NXPH2: variants seen among roughly 807,000 people sequenced by gnomAD.
NXPH2 encodes the protein neurexophilin-2.
In NXPH2, 5 loss-of-function variants were observed where a neutral mutation model predicts 19.8. That is an observed-to-expected ratio of 0.25 (90% CI 0.13 to 0.53). The LOEUF is 0.53. Among genes scored for constraint, NXPH2 ranks in the 20% least tolerant of loss-of-function variants. NXPH2 has a pLI of 0.96. For missense variants in NXPH2, 289 were observed against 322.8 expected (o/e 0.90, Z 0.80); for synonymous variants, 154 against 127.4 (o/e 1.21, Z -1.41).
At chr2:138,721,227 G>C (rs914237717) in intron 1 of NXPH2, among the ~76,000 whole-genome samples, 2 of 152,120 alleles carry the variant, frequency 1.3e-5, no homozygotes, top group African/African-American at 2.4e-5. Context: ...TGTAATCCTA[G>C]CTACTTAGGA....
At chr2:138,761,310 T>C (rs1370087329) in intron 1 of NXPH2, among the ~76,000 whole-genome samples, 1 of 152,152 alleles carries the variant, frequency 6.6e-6, no homozygotes, top group Non-Finnish European at 1.5e-5. Flanking sequence ...TCATCTGATC[T>C]CATGAATCAC....
chr2:138,779,353 C>T (rs1682313281), intron 1 of NXPH2, among the ~76,000 whole-genome samples: 1 of 152,212 alleles, frequency 6.6e-6, no homozygotes, highest in Admixed American at 6.5e-5. Context: ...TTTCCCTCAA[C>T]TATAATTAGC....
chr2:138,722,445 C>T (rs781668224), intron 1 of NXPH2, among the ~76,000 whole-genome samples: 1 of 152,226 alleles, frequency 6.6e-6, no homozygotes, highest in Non-Finnish European at 1.5e-5. Flanking sequence ...AGCGTGAAGA[C>T]TCACCCAGTA....
chr2:138,729,240 T>G (rs890985773), intron 1 of NXPH2, among the ~76,000 whole-genome samples: 5 of 152,170 alleles, frequency 3.3e-5, no homozygotes, highest in Non-Finnish European at 5.9e-5. Context: ...AGGAGGTAAT[T>G]GAATCATGGG....
At position 138,780,327 on chromosome 2, in the gene NXPH2, G is replaced by T. The variant is rs191458911; in HGVS notation, c.-86C>A. ...CACTTCGCGGGGCAGGACTGAGGAC[G>T]CCAGGGACACAGCGCGGCGCTTCCC... On this transcript the variant is annotated 5_prime_UTR_variant, in exon 1 of 2. Transcript: ENST00000272641. 3 of 1,009,104 alleles carry T rather than the reference G, an allele frequency of 3.0e-6. No individual in the cohort carries two copies. The highest frequency in any genetic ancestry group is 3.8e-6 in the Non-Finnish European group (3 of 783,696). The allele number at this position is 1,009,104 out of a possible 1,614,324, so 62.5% of individuals were successfully genotyped here.
chr2:138,753,407 T>A lies in NXPH2; in HGVS notation c.51+26784A>T, dbSNP rs548871730. ...CAAGACACTCTAGGACCATGTTGTA[T>A]ATTTCCTGCCCAGGTTCTAGAATCA... On this transcript the variant is annotated intron_variant, in intron 1 of 1. Transcript: ENST00000272641. Among the ~76,000 whole-genome samples the A allele has an allele frequency of 8.1e-4, 124 of 152,236 alleles. 6 individuals are homozygous for A. The South Asian group carries it at 0.024, about 29-fold the overall frequency.
At chr2:138,771,392 T>C (rs1682173955) in intron 1 of NXPH2, among the ~76,000 whole-genome samples, 1 of 151,980 alleles carries the variant, frequency 6.6e-6, no homozygotes, top group Admixed American at 6.6e-5. Context: ...GTTAAACTAT[T>C]AATAATGCCC....
chr2:138,673,871 G>C (rs1680448747), intron 1 of NXPH2, among the ~76,000 whole-genome samples: 1 of 151,664 alleles, frequency 6.6e-6, no homozygotes, highest in Admixed American at 6.6e-5. Context: ...CCCAACCTTT[G>C]GTACTATCAA....
At chr2:138,704,722 AT>A (rs1413829254) in intron 1 of NXPH2, among the ~76,000 whole-genome samples, 5 of 151,982 alleles carry the variant, frequency 3.3e-5, no homozygotes, top group Non-Finnish European at 7.4e-5. Flanking sequence ...TGGCACAATC[AT>A]GTCTTAATTG....
rs775971248 is a variant in NXPH2 at position 138,716,315 on chromosome 2, A to G, written c.52-44650T>C. Among the ~76,000 whole-genome samples the G allele has an allele frequency of 9.1e-4, 138 of 152,320 alleles. 1 individual carries two copies. The Middle Eastern group carries it at 0.01, about 11-fold the overall frequency. ...GAGACCGGGCCTCGGGGAGGAAACT[A>G]GGTTTAGATGGGAGCATGAAGGTGG... On this transcript the variant is annotated intron_variant, in intron 1 of 1. Coordinates refer to ENST00000272641, the MANE Select transcript of NXPH2 (RefSeq NM_007226.3).
rs61124904 is a variant in NXPH2 at position 138,675,955 on chromosome 2, A to ATG, written c.52-4292_52-4291dup. On this transcript the variant is annotated intron_variant, in intron 1 of 1. Coordinates refer to ENST00000272641, the MANE Select transcript of NXPH2 (RefSeq NM_007226.3). ...AGGTAAAAAGTACATATATATACAT[A>ATG]TGTGTGTGTGTGTGTGTGTGTGTGT... Among the ~76,000 whole-genome samples, 204 of 150,434 alleles carry ATG rather than the reference A, an allele frequency of 1.4e-3. 2 individuals carry two copies. The highest frequency in any genetic ancestry group is 2.9e-3 in the African/African-American group (120 of 40,990).
rs199969261 is a variant in NXPH2 at position 138,671,131 on chromosome 2, G to C, written c.586C>G (p.Arg196Gly). The change falls in exon 2 of 2, where the codon CGG becomes GGG. Residue 196 changes from arginine (R) to glycine (G), a missense_variant. By Grantham distance (125) the Arg-to-Gly change is moderately radical (BLOSUM62 -2). Coordinates refer to ENST00000272641, the MANE Select transcript of NXPH2 (RefSeq NM_007226.3). ...TTGCACAGGGCGGTCTTTTTCGCCC[G>C]ATCTGTTTTTTCATACTCAATGCGA... ...NCRIEYEKTD[R>G]AKKTALCNFD... 2.5e-6 allele frequency: 4 copies of C among 1,613,740 alleles called. No individual in the cohort carries two copies. Among genetic ancestry groups the C allele is most frequent in the East Asian group, 2.2e-5 (1 of 44,880 alleles).
At chr2:138,731,674 A>C (rs1199757334) in intron 1 of NXPH2, among the ~76,000 whole-genome samples, 1 of 152,034 alleles carries the variant, frequency 6.6e-6, no homozygotes, top group African/African-American at 2.4e-5. Flanking sequence ...TCTTCTAAAG[A>C]CTGGGGAGGT....
intron 1 of NXPH2, among the ~76,000 whole-genome samples, chr2:138,686,833 G>A (rs1407398996): frequency 6.6e-6 from 1 of 152,090 alleles, no homozygotes; most frequent in Non-Finnish European, 1.5e-5. Context: ...ATAGTGTGCT[G>A]AGAATGATGG....
At chr2:138,752,324 G>T (rs780642042) in intron 1 of NXPH2, among the ~76,000 whole-genome samples, 1 of 152,060 alleles carries the variant, frequency 6.6e-6, no homozygotes, top group African/African-American at 2.4e-5. Flanking sequence ...AGAGTTCTTG[G>T]CACAAAATTA....
intron 1 of NXPH2, among the ~76,000 whole-genome samples, chr2:138,673,888 C>A (rs1306645544): frequency 6.6e-6 from 1 of 152,080 alleles, no homozygotes; most frequent in East Asian, 1.9e-4. Flanking sequence ...TCAAAATTCT[C>A]TATTTCTATG....
chr2:138,730,417 A>G (rs1385626399), intron 1 of NXPH2, among the ~76,000 whole-genome samples: 1 of 152,066 alleles, frequency 6.6e-6, no homozygotes, highest in East Asian at 1.9e-4. Context: ...GAGGTCCTGG[A>G]GGTTAGGACT....
chr2:138,688,437 C>A (rs770476923), intron 1 of NXPH2, among the ~76,000 whole-genome samples: 1 of 152,180 alleles, frequency 6.6e-6, no homozygotes, highest in African/African-American at 2.4e-5. Flanking sequence ...CTGCCTCAAC[C>A]TCCGAATGTG....
At chr2:138,752,390 G>A (rs1461129279) in intron 1 of NXPH2, among the ~76,000 whole-genome samples, 2 of 152,020 alleles carry the variant, frequency 1.3e-5, no homozygotes, top group Non-Finnish European at 2.9e-5. Context: ...TCTGGCACTG[G>A]GCCAGTTCAA....
Sources: gnomAD v4.1 joint callset for allele counts (sites outside exome capture counted in the v4.1 genomes callset) on GRCh38, gnomAD v4.1.1 for gene constraint, MANE v1.5 for transcripts, NCBI Gene and HGNC (gene_info 2026-07-23, HGNC 2026-07-21) for gene names.